Variants in SLC39A10 observed in about 807,000 individuals in gnomAD.
SLC39A10 encodes the protein zinc transporter ZIP10.
A neutral mutation model predicts 65.1 loss-of-function variants in SLC39A10; 13 were observed. The observed-to-expected ratio is 0.20, with a 90% CI of 0.13 to 0.32. The LOEUF (loss-of-function observed/expected upper bound fraction) is 0.32, where lower values mean the gene tolerates loss of function less well. SLC39A10 is among the 10% of genes least tolerant of loss of function. The probability of loss-of-function intolerance (pLI) is 1.00; values close to 1 mark genes in which losing one functional copy is unlikely to be tolerated. For missense variants in SLC39A10, 831 were observed against 1,018.4 expected (o/e 0.82, Z 2.50); for synonymous variants, 321 against 342.2 (o/e 0.94, Z 0.68).
At chr2:195,638,518 T>C (rs1688737520) in intron 2 of SLC39A10, among the ~76,000 whole-genome samples, 1 of 151,820 alleles carries the variant, frequency 6.6e-6, no homozygotes, top group Admixed American at 6.6e-5. Flanking sequence ...TTTTGTATTT[T>C]TTTTTAGTAG....
Position 195,683,714 on chromosome 2 carries a change from C to T in SLC39A10, c.1024C>T (p.Gln342Ter). 3 of 1,612,694 alleles carry T rather than the reference C, an allele frequency of 1.9e-6. No individual in the cohort carries two copies. Among genetic ancestry groups the T allele is most frequent in the Non-Finnish European group, 2.5e-6 (3 of 1,179,152 alleles). The change falls in exon 3 of 10, where the codon CAG becomes TAG. Residue 342 changes from glutamine to a stop codon, truncating the protein, a stop_gained. Coordinates refer to ENST00000359634, the MANE Select transcript of SLC39A10 (RefSeq NM_020342.3). LOFTEE classifies it high-confidence loss of function. ...DHHHECLNVT[Q>*]LLKYYGHGAN... The stretch of plus-strand genomic sequence containing the variant: ...TTCCTTGCAGTGTTTGAACGTCACT[C>T]AGTTATTAAAATACTATGGTCATGG...
chr2:195,651,272 T>C (rs1027236897), intron 2 of SLC39A10, among the ~76,000 whole-genome samples: 2 of 152,070 alleles, frequency 1.3e-5, no homozygotes, highest in African/African-American at 4.8e-5. Context: ...ATTCTGACAG[T>C]GTGTTTGCCG....
chr2:195,675,199 A>C lies in SLC39A10; in HGVS notation c.-11-4833A>C, dbSNP rs532657341. On this transcript the variant is annotated intron_variant, in intron 1 of 9. Coordinates refer to ENST00000359634, the MANE Select transcript of SLC39A10 (RefSeq NM_020342.3). ...CAAACAAGATTTCTGAGGAGGAAAAAAAATAAAAATTGTATTTTAAAAAAG... is the reference window on the plus strand; with the variant it reads ...CAAACAAGATTTCTGAGGAGGAAAACAAATAAAAATTGTATTTTAAAAAAG... 3.4e-4 allele frequency among the ~76,000 whole-genome samples: 52 copies of C among 152,358 alleles called. No homozygotes were observed. The South Asian group carries it at 0.01, about 30-fold the overall frequency.
intron 9 of SLC39A10, among the ~76,000 whole-genome samples, chr2:195,733,591 C>T (rs561444481): frequency 1.5e-3 from 224 of 151,860 alleles, no homozygotes; most frequent in African/African-American, 5.1e-3. Context: ...AGTACAGTGG[C>T]GCAATCTTGG....
chr2:195,630,160 TTTTAATAAACTGAGACAAG>T (rs1156568106), intron 2 of SLC39A10, among the ~76,000 whole-genome samples: 25 of 150,862 alleles, frequency 1.7e-4, no homozygotes, highest in Middle Eastern at 3.4e-3. Flanking sequence ...TTTTTTTTTT[TTTTAATAAACTGAGACAAG>T]TTTAATAAAC....
chr2:195,647,743 G>A (rs1264997451), intron 2 of SLC39A10, among the ~76,000 whole-genome samples: 1 of 151,586 alleles, frequency 6.6e-6, no homozygotes, highest in Non-Finnish European at 1.5e-5. Flanking sequence ...CAACTTAAGG[G>A]TCAGCCTCTC....
chr2:195,648,941 T>C (rs2105711600), intron 2 of SLC39A10, among the ~76,000 whole-genome samples: 1 of 152,228 alleles, frequency 6.6e-6, no homozygotes, highest in African/African-American at 2.4e-5. Context: ...TTGTAAAACA[T>C]AAATGCTTAG....
At chr2:195,706,570 G>T in intron 3 of SLC39A10, 46 bp from the exon 4 acceptor site, 1 of 1,539,508 alleles carries the variant, frequency 6.5e-7, no homozygotes, top group Non-Finnish European at 8.9e-7. Flanking sequence ...TAGTCTGTTG[G>T]TTTAAATTGT....
chr2:195,683,882 G>C lies in SLC39A10; in HGVS notation c.1192G>C (p.Asp398His). ...TAAGGATAAAAACCTGGTTCCTGAA[G>C]ATGAGGCAAATATAGGGGCATCAGG... Reference protein sequence around the residue: ...INKDKNLVPEDEANIGASAWI... With the variant: ...INKDKNLVPEHEANIGASAWI... Residue 398 changes from aspartate to histidine, a missense_variant, in exon 3 of 10, where the codon GAT becomes CAT. Around this residue, in one of 4 missense-constraint regions of SLC39A10, gnomAD observed 446 missense variants for 499.2 expected, o/e 0.89. Transcript: ENST00000359634. 6.2e-7 allele frequency: 1 copy of C among 1,612,510 alleles called. No homozygotes were observed. The highest frequency in any genetic ancestry group is 1.1e-5 in the South Asian group (1 of 91,014).
At chr2:195,646,192 C>T (rs1319829836) in intron 2 of SLC39A10, among the ~76,000 whole-genome samples, 1 of 152,182 alleles carries the variant, frequency 6.6e-6, no homozygotes, top group Non-Finnish European at 1.5e-5. Flanking sequence ...GCGATCCGCC[C>T]ACCTCAGCCT....
At chr2:195,717,109 G>A in intron 7 of SLC39A10, 104 bp downstream of exon 7, 1 of 1,445,090 alleles carries the variant, frequency 6.9e-7, no homozygotes. Flanking sequence ...TATCACTCTG[G>A]TCAGTTGATT....
intron 3 of SLC39A10, among the ~76,000 whole-genome samples, chr2:195,690,814 G>T (rs552118458): frequency 1.3e-5 from 2 of 152,110 alleles, no homozygotes; most frequent in South Asian, 2.1e-4. Flanking sequence ...CCCATTTTAT[G>T]TATTGCCTTT....
chr2:195,714,898 G>A (rs1389319499), intron 6 of SLC39A10, among the ~76,000 whole-genome samples: 2 of 151,852 alleles, frequency 1.3e-5, no homozygotes, highest in African/African-American at 2.4e-5. Context: ...GACTACAGGC[G>A]CCCGCCATCA....
chr2:195,716,605 T>C, intron 6 of SLC39A10, 32 bp from the exon 7 acceptor site: 1 of 1,539,422 alleles, frequency 6.5e-7, no homozygotes. Flanking sequence ...CATTTAATTA[T>C]TGATAAAGCA....
At chr2:195,616,805 A>G (rs112881820) in intron 2 of SLC39A10, among the ~76,000 whole-genome samples, 26,146 of 151,810 alleles carry the variant, frequency 0.17, 2,384 homozygotes, top group Middle Eastern at 0.27. Flanking sequence ...GGGTTTCACC[A>G]TGTTAGCCAG....
At position 195,735,232 on chromosome 2, in the gene SLC39A10, A is replaced by G. The variant is rs1330758967; in HGVS notation, c.*191A>G. The G allele has an allele frequency of 9.1e-6, 4 of 439,668 alleles. No individual in the cohort carries two copies. The highest frequency in any genetic ancestry group is 1.6e-5 in the Non-Finnish European group (4 of 256,006). 27.2% of individuals were successfully genotyped at this position (439,668 alleles called of 1,614,324 possible). ...CCCTGCACGTAGGGGTCTTTTAAAAATATAAAGCTTGTGATAAAGAGAGGA... is the reference window on the plus strand; with the variant it reads ...CCCTGCACGTAGGGGTCTTTTAAAAGTATAAAGCTTGTGATAAAGAGAGGA... On this transcript the variant is annotated 3_prime_UTR_variant, in exon 10 of 10. Coordinates refer to ENST00000359634, the MANE Select transcript of SLC39A10 (RefSeq NM_020342.3).
intron 2 of SLC39A10, among the ~76,000 whole-genome samples, chr2:195,625,192 G>A (rs1295207114): frequency 7.0e-6 from 1 of 142,356 alleles, no homozygotes; most frequent in Non-Finnish European, 1.5e-5. Context: ...ACTCCAGCCT[G>A]TGCGACAGAG....
intron 1 of SLC39A10, among the ~76,000 whole-genome samples, chr2:195,676,423 A>G (rs1377242523): frequency 6.6e-6 from 1 of 152,016 alleles, no homozygotes; most frequent in African/African-American, 2.4e-5. Context: ...AGTTAATCAA[A>G]AATTTTCATC....
intron 5 of SLC39A10, among the ~76,000 whole-genome samples, chr2:195,709,579 T>C (rs545945895): frequency 1.3e-5 from 2 of 152,282 alleles, no homozygotes; most frequent in South Asian, 4.1e-4. Flanking sequence ...TCTCAGTATG[T>C]TGCCCAGGCT....
Sources: gnomAD v4.1 joint callset for allele counts (sites outside exome capture counted in the v4.1 genomes callset) on GRCh38, gnomAD v4.1.1 for gene constraint, gnomAD v4.1.1 regional missense constraint, MANE v1.5 for transcripts, NCBI Gene and HGNC (gene_info 2026-07-23, HGNC 2026-07-21) for gene names.